The following ATAD2 variants were observed in gnomAD, a reference collection of about 807,000 sequenced individuals.
The protein encoded by ATAD2 is ATPase family AAA domain-containing protein 2.
ATAD2 carries 62 observed loss-of-function variants against 168.9 expected under a neutral mutation model. That is an observed-to-expected ratio of 0.37 (90% CI 0.30 to 0.45). ATAD2 has a LOEUF of 0.45. ATAD2 is among the 20% of genes least tolerant of loss of function. ATAD2 has a pLI of 1.00. For missense variants in ATAD2, 1,419 were observed against 1,667.8 expected (o/e 0.85, Z 2.60); for synonymous variants, 613 against 571.6 (o/e 1.07, Z -1.03).
At chr8:123,396,071 C>T (rs1184467873) in intron 1 of ATAD2, 116 bp downstream of exon 1, 3 of 1,195,112 alleles carry the variant, frequency 2.5e-6, no homozygotes, top group East Asian at 2.8e-5. Context: ...CCACACTTCT[C>T]CCCCGACAAC....
chr8:123,349,764 C>T (rs1828387630), intron 13 of ATAD2, among the ~76,000 whole-genome samples: 2 of 151,684 alleles, frequency 1.3e-5, no homozygotes, highest in Admixed American at 6.6e-5. Context: ...AAAGGCAAGG[C>T]ATGGTGGCTC....
chr8:123,351,574 T>C (rs762181551), intron 13 of ATAD2, among the ~76,000 whole-genome samples: 57 of 152,282 alleles, frequency 3.7e-4, no homozygotes, highest in Non-Finnish European at 6.5e-4. Flanking sequence ...GTGATTTTCC[T>C]ATACAAAGAA....
chr8:123,407,468 A>G (rs1813083092), intron 1 of ATAD2, among the ~76,000 whole-genome samples: 1 of 152,230 alleles, frequency 6.6e-6, no homozygotes, highest in Non-Finnish European at 1.5e-5. Context: ...TCACACCTGC[A>G]ATCCCAGCAC....
intron 14 of ATAD2, among the ~76,000 whole-genome samples, chr8:123,348,544 G>GCATGTGC (rs1828333098): frequency 6.6e-6 from 1 of 152,158 alleles, no homozygotes; most frequent in South Asian, 2.1e-4. Flanking sequence ...GGGCGTGGTA[G>GCATGTGC]CATGTGCCTG....
intron 8 of ATAD2, among the ~76,000 whole-genome samples, chr8:123,364,433 G>A (rs77355053): frequency 0.039 from 5,914 of 152,204 alleles, 394 homozygotes; most frequent in African/African-American, 0.14. Flanking sequence ...TATGAAGTCA[G>A]TATCACCCTA....
upstream of ATAD2, among the ~76,000 whole-genome samples, chr8:123,399,271 A>C (rs1196840109): frequency 6.6e-6 from 1 of 152,076 alleles, no homozygotes; most frequent in African/African-American, 2.4e-5. Flanking sequence ...AAAAAAAAAA[A>C]AAACCACACG....
chr8:123,367,638 G>A (rs569684937), intron 8 of ATAD2, among the ~76,000 whole-genome samples: 1 of 152,056 alleles, frequency 6.6e-6, no homozygotes, highest in South Asian at 2.1e-4. Context: ...ACATTCTAAG[G>A]GGCCTGTGAG....
chr8:123,379,253 C>CA (rs1360937782), intron 2 of ATAD2, among the ~76,000 whole-genome samples: 1 of 151,976 alleles, frequency 6.6e-6, no homozygotes, highest in African/African-American at 2.4e-5. Context: ...TTCTAAAAAC[C>CA]AAAAAACCGT....
intron 1 of ATAD2, among the ~76,000 whole-genome samples, chr8:123,406,376 T>C (rs1171346087): frequency 2.5e-5 from 2 of 80,296 alleles, no homozygotes; most frequent in Non-Finnish European, 4.4e-5. Flanking sequence ...CGGGACACTG[T>C]CTCACCAAAA....
chr8:123,369,695 C>A (rs1277849435), intron 7 of ATAD2, 126 bp downstream of exon 7: 11 of 781,334 alleles, frequency 1.4e-5, no homozygotes, highest in Non-Finnish European at 1.8e-5. Flanking sequence ...GTAAAGACAA[C>A]AGTAATGAGT....
chr8:123,396,245 C>T lies in ATAD2; in HGVS notation c.113G>A (p.Arg38Gln), dbSNP rs773838433. ...CTGCGCCGCGCCGGCCGAGCGGAGCCGCCTCCGGCCGATGTGCTCCAGACT... is the reference window on the plus strand; with the variant it reads ...CTGCGCCGCGCCGGCCGAGCGGAGCTGCCTCCGGCCGATGTGCTCCAGACT... ...FLSLEHIGRR[R>Q]LRSAGAAQKK... is the part of the protein sequence containing the mutation. Residue 38 changes from arginine (R) to glutamine (Q), a missense_variant, in exon 1 of 28, where the codon CGG (arginine) becomes CAG (glutamine). By Grantham distance (43) the Arg-to-Gln change is conservative. Transcript: ENST00000287394. 2 of 1,607,544 alleles carry T rather than the reference C, an allele frequency of 1.2e-6. No homozygotes were observed. The highest frequency in any genetic ancestry group is 2.2e-5 in the South Asian group (2 of 90,674).
intron 1 of ATAD2, chr8:123,380,993 T>C (rs1258160857): frequency 5.5e-5 from 13 of 237,822 alleles, no homozygotes; most frequent in Non-Finnish European, 9.8e-5. Context: ...CAATAGTTTA[T>C]TATAGTAGGT....
At chr8:123,326,111 A>G in intron 25 of ATAD2, 85 bp from the exon 26 acceptor site, 1 of 1,424,620 alleles carries the variant, frequency 7.0e-7, no homozygotes, top group South Asian at 1.3e-5. Context: ...CAGATTAAAC[A>G]GGGCATGTTT....
intron 1 of ATAD2, among the ~76,000 whole-genome samples, chr8:123,410,004 T>G (rs1813129728): frequency 6.6e-6 from 1 of 151,368 alleles, no homozygotes; most frequent in African/African-American, 2.4e-5. Flanking sequence ...AAAAAAAACC[T>G]TTTGTTATTA....
At chr8:123,414,994 A>G (rs950987208) in intron 1 of ATAD2, among the ~76,000 whole-genome samples, 3 of 151,936 alleles carry the variant, frequency 2.0e-5, no homozygotes, top group East Asian at 3.9e-4. Flanking sequence ...TTTTTGTTGT[A>G]TAGGTCCTGT....
intron 1 of ATAD2, among the ~76,000 whole-genome samples, chr8:123,403,585 C>T (rs922604357): frequency 2.6e-5 from 4 of 152,114 alleles, no homozygotes; most frequent in Admixed American, 6.6e-5. Flanking sequence ...TACAGGCATG[C>T]ACCACCACGC....
At chr8:123,393,865 C>T (rs7844363) in intron 1 of ATAD2, among the ~76,000 whole-genome samples, 129,040 of 152,062 alleles carry the variant, frequency 0.85, 57,542 homozygotes, top group East Asian at 1. Context: ...TGCAGCAAGC[C>T]GAGATCACGT....
chr8:123,341,295 A>G (rs1297248964), intron 19 of ATAD2, among the ~76,000 whole-genome samples: 2 of 152,210 alleles, frequency 1.3e-5, no homozygotes, highest in South Asian at 2.1e-4. Context: ...CATTCTCGAA[A>G]AAGTTTCCCC....
Position 123,338,734 on chromosome 8 carries a change from C to T in ATAD2, c.2854+577G>A, listed in dbSNP as rs1273236860. The stretch of plus-strand genomic sequence containing the variant: ...CATAATAAAGAATAAATGAGGTATA[C>T]TAAAAGGACAAGTATTTAGCCGGGC... On this transcript the variant is annotated intron_variant, in intron 20 of 27. Transcript: ENST00000287394. Among the ~76,000 whole-genome samples, 2 of 152,072 alleles carry T rather than the reference C, an allele frequency of 1.3e-5. 1 individual carries two copies. Among genetic ancestry groups the T allele is most frequent in the Non-Finnish European group, 2.9e-5 (2 of 68,012 alleles).
Sources: gnomAD v4.1 joint callset for allele counts (sites outside exome capture counted in the v4.1 genomes callset) on GRCh38, gnomAD v4.1.1 for gene constraint, MANE v1.5 for transcripts, NCBI Gene and HGNC (gene_info 2026-07-23, HGNC 2026-07-21) for gene names.